The following PEBP4 variants were observed in gnomAD, a reference collection of about 807,000 sequenced individuals.
PEBP4 encodes the protein phosphatidylethanolamine binding protein 4, also known as phosphatidylethanolamine-binding protein 4.
Under a neutral mutation model 23.9 loss-of-function variants are expected in PEBP4, and 22 were observed. The observed-to-expected ratio is 0.92, with a 90% CI of 0.66 to 1.31. The LOEUF (loss-of-function observed/expected upper bound fraction) is 1.31, where lower values mean the gene tolerates loss of function less well. PEBP4 is among the 40% of genes most tolerant of loss of function. PEBP4 has a pLI of 0.00. For missense variants in PEBP4, 324 were observed against 281.7 expected (o/e 1.15, Z -1.07); for synonymous variants, 112 against 99.3 (o/e 1.13, Z -0.76).
intron 4 of PEBP4, among the ~76,000 whole-genome samples, chr8:22,756,675 C>G (rs1473855327): frequency 6.6e-6 from 1 of 152,202 alleles, no homozygotes; most frequent in African/African-American, 2.4e-5. Flanking sequence ...TACAAAAACC[C>G]ACTTGCCTGG....
At chr8:22,878,419 C>T (rs1808174671) in intron 3 of PEBP4, among the ~76,000 whole-genome samples, 1 of 152,142 alleles carries the variant, frequency 6.6e-6, no homozygotes, top group Non-Finnish European at 1.5e-5. Context: ...TGAGAGGTGG[C>T]AGGACCCGGC....
chr8:22,900,561 A>G (rs1029314690), intron 3 of PEBP4, among the ~76,000 whole-genome samples: 5 of 151,946 alleles, frequency 3.3e-5, no homozygotes, highest in Non-Finnish European at 7.4e-5. Context: ...AGGCATCAGA[A>G]TCACTTGAGC....
intron 3 of PEBP4, among the ~76,000 whole-genome samples, chr8:22,818,662 G>C (rs148252405): frequency 4.9e-4 from 74 of 152,238 alleles, no homozygotes; most frequent in African/African-American, 1.7e-3. Flanking sequence ...GCTTTTAGAG[G>C]ATTCTTTTGG....
Position 22,865,036 on chromosome 8 carries a change from C to A in PEBP4, c.259-47301G>T, listed in dbSNP as rs978000414. 1.3e-5 allele frequency among the ~76,000 whole-genome samples: 2 copies of A among 151,992 alleles called. No individual in the cohort carries two copies. Among genetic ancestry groups the A allele is most frequent in the African/African-American group, 4.8e-5 (2 of 41,370 alleles). ...GACCGTGAGAGAGGGAGGCAGGCGG[C>A]GAGGCCAAGGGGTAGGTCACCAGGC... On this transcript the variant is annotated intron_variant, in intron 3 of 6. Coordinates refer to ENST00000256404, the MANE Select transcript of PEBP4 (RefSeq NM_144962.3). This position sits in a 1 kb window ranked among gnomAD's most constrained non-coding sequence, Gnocchi z 6.9.
intron 4 of PEBP4, among the ~76,000 whole-genome samples, chr8:22,741,780 G>A (rs1411765220): frequency 6.6e-6 from 1 of 152,226 alleles, no homozygotes; most frequent in East Asian, 1.9e-4. Flanking sequence ...AGCGGGGTTG[G>A]GGGCAGCCCA....
chr8:22,874,142 C>T (rs1303599116), intron 3 of PEBP4, among the ~76,000 whole-genome samples: 1 of 152,024 alleles, frequency 6.6e-6, no homozygotes, highest in Non-Finnish European at 1.5e-5. Context: ...TGCCAGAAGC[C>T]CTGACTTGTG....
At chr8:22,779,135 G>A (rs187919929) in intron 4 of PEBP4, among the ~76,000 whole-genome samples, 94 of 152,162 alleles carry the variant, frequency 6.2e-4, no homozygotes, top group African/African-American at 1.6e-3. Flanking sequence ...AGCTCTGCGC[G>A]TGTGATGGTG....
intron 3 of PEBP4, among the ~76,000 whole-genome samples, chr8:22,873,009 T>C (rs1447772296): frequency 6.6e-6 from 1 of 152,168 alleles, no homozygotes; most frequent in African/African-American, 2.4e-5. Flanking sequence ...AGGGTCTTTT[T>C]ACTAGATCAG....
At chr8:22,823,181 T>G (rs1806895974) in intron 3 of PEBP4, among the ~76,000 whole-genome samples, 3 of 151,990 alleles carry the variant, frequency 2.0e-5, no homozygotes, top group Admixed American at 2.0e-4. Context: ...TACTACATGA[T>G]AGTTATAATT....
intron 4 of PEBP4, chr8:22,744,516 G>A (rs536787810): frequency 6.6e-6 from 1 of 152,352 alleles, no homozygotes; most frequent in East Asian, 1.9e-4. Flanking sequence ...GGGGTCAGTG[G>A]AGGGCAGAGG....
At chr8:22,725,589 A>G (rs1229679432) in intron 5 of PEBP4, among the ~76,000 whole-genome samples, 1 of 152,058 alleles carries the variant, frequency 6.6e-6, no homozygotes, top group Non-Finnish European at 1.5e-5. Context: ...GGGTGGGGAC[A>G]TCCCTCATTC....
intron 6 of PEBP4, among the ~76,000 whole-genome samples, chr8:22,717,947 G>A (rs150166140): frequency 5.3e-5 from 8 of 152,238 alleles, no homozygotes; most frequent in African/African-American, 1.4e-4. Flanking sequence ...ATGATGTCCC[G>A]GCGGTGGTAG....
intron 3 of PEBP4, among the ~76,000 whole-genome samples, chr8:22,877,570 A>G (rs1808147801): frequency 6.6e-6 from 1 of 152,120 alleles, no homozygotes; most frequent in Non-Finnish European, 1.5e-5. Context: ...GCAGCTTGTG[A>G]ACACACGGGC....
intron 4 of PEBP4, among the ~76,000 whole-genome samples, chr8:22,772,816 C>G (rs1563211494): frequency 6.6e-6 from 1 of 152,300 alleles, no homozygotes; most frequent in East Asian, 1.9e-4. Flanking sequence ...TTCTGCTTCC[C>G]ATGACATTGC....
At chr8:22,719,396 T>G (rs940061004) in intron 6 of PEBP4, among the ~76,000 whole-genome samples, 2 of 152,128 alleles carry the variant, frequency 1.3e-5, no homozygotes, top group Non-Finnish European at 2.9e-5. Flanking sequence ...TTGTGACACC[T>G]CTGGGTGAGG....
At chr8:22,771,511 T>C (rs1805717366) in intron 4 of PEBP4, among the ~76,000 whole-genome samples, 1 of 151,976 alleles carries the variant, frequency 6.6e-6, no homozygotes, top group Non-Finnish European at 1.5e-5. Flanking sequence ...AAAAGAAAAT[T>C]TGTATAGATT....
chr8:22,902,265 G>A (rs973574558), intron 3 of PEBP4, among the ~76,000 whole-genome samples: 4 of 152,172 alleles, frequency 2.6e-5, no homozygotes, highest in African/African-American at 4.8e-5. Flanking sequence ...GGAGGCGGAG[G>A]TTGCGGTGAG....
intron 4 of PEBP4, chr8:22,757,061 A>T (rs899405542): frequency 2.0e-5 from 3 of 152,270 alleles, no homozygotes; most frequent in Non-Finnish European, 4.4e-5. Flanking sequence ...CAGTTCATGG[A>T]GAAACACAAA....
intron 4 of PEBP4, among the ~76,000 whole-genome samples, chr8:22,753,444 A>G (rs1378716137): frequency 1.3e-5 from 2 of 152,238 alleles, no homozygotes; most frequent in African/African-American, 2.4e-5. Flanking sequence ...TCTTGAAAAT[A>G]TAATTTTCTT....
Sources: gnomAD v4.1 joint callset for allele counts (sites outside exome capture counted in the v4.1 genomes callset) on GRCh38, gnomAD v4.1.1 for gene constraint, Gnocchi (gnomAD v3.1) non-coding constraint, MANE v1.5 for transcripts, NCBI Gene and HGNC (gene_info 2026-07-23, HGNC 2026-07-21) for gene names.